CAMSAP2: variants seen among roughly 807,000 people sequenced by gnomAD.
CAMSAP2 encodes calmodulin regulated spectrin associated protein family member 2, also known as calmodulin-regulated spectrin-associated protein 2.
CAMSAP2 carries 26 observed loss-of-function variants against 146.1 expected under a neutral mutation model. The observed-to-expected ratio is 0.18, with a 90% CI of 0.13 to 0.25. The LOEUF (loss-of-function observed/expected upper bound fraction) is 0.25, where lower values mean the gene tolerates loss of function less well. CAMSAP2 is among the 10% of genes least tolerant of loss of function. The pLI, the probability that CAMSAP2 is intolerant of heterozygous loss-of-function variation, is 1.00. For missense variants in CAMSAP2, 1,381 were observed against 1,759.3 expected, an observed-to-expected ratio of 0.78 and a Z score of 3.85; for synonymous variants, 499 against 596.6, an observed-to-expected ratio of 0.84 and a Z score of 2.38.
In CAMSAP2 at chr1:200,849,290, A is replaced by G. The variant is rs1231127100; in HGVS notation, c.2521A>G (p.Met841Val). Residue 841 changes from methionine to valine, a missense_variant, in exon 11 of 17, where the codon ATG becomes GTG. By Grantham distance (21) the Met-to-Val change is conservative. Around this residue, in one of 4 missense-constraint regions of CAMSAP2, gnomAD observed 560 missense variants for 715.9 expected, o/e 0.78. Coordinates refer to ENST00000358823, the MANE Select transcript of CAMSAP2 (RefSeq NM_203459.4). The surrounding 1 kb of genome is among the most constrained non-coding windows in gnomAD (Gnocchi z 6.3). Reference protein sequence around the residue: ...SKSLADIKESMENPQAKWLKS... With the variant: ...SKSLADIKESVENPQAKWLKS... ...GTCACTGGCAGATATAAAAGAGAGCATGGAGAATCCTCAAGCCAAATGGCT... is the reference window on the plus strand; with the variant it reads ...GTCACTGGCAGATATAAAAGAGAGCGTGGAGAATCCTCAAGCCAAATGGCT... 5.6e-6 allele frequency: 9 copies of G among 1,614,050 alleles called. No homozygotes were observed. The highest frequency in any genetic ancestry group is 1.6e-4 in the Middle Eastern group (1 of 6,062).
intron 2 of CAMSAP2, among the ~76,000 whole-genome samples, chr1:200,800,986 C>G (rs1666020222): frequency 6.6e-6 from 1 of 152,002 alleles, no homozygotes; most frequent in African/African-American, 2.4e-5. Context: ...AAGGTTGAGG[C>G]CTGACGCAGT....
intron 7 of CAMSAP2, among the ~76,000 whole-genome samples, chr1:200,843,806 C>G (rs1051814329): frequency 1.3e-5 from 2 of 151,990 alleles, no homozygotes; most frequent in Non-Finnish European, 2.9e-5. Context: ...TCTATGAAAG[C>G]TTTCACAAAA....
At chr1:200,751,592 G>T (rs918330332) in intron 1 of CAMSAP2, among the ~76,000 whole-genome samples, 2 of 149,672 alleles carry the variant, frequency 1.3e-5, no homozygotes, top group Non-Finnish European at 3.0e-5. Flanking sequence ...TATGGTAAAG[G>T]CAGGGACCAG....
At chr1:200,809,219 C>T (rs867355788) in intron 3 of CAMSAP2, among the ~76,000 whole-genome samples, 5 of 152,316 alleles carry the variant, frequency 3.3e-5, no homozygotes, top group South Asian at 4.1e-4. Context: ...GAATTATCTT[C>T]CCTTTATACT....
intron 2 of CAMSAP2, among the ~76,000 whole-genome samples, chr1:200,796,686 T>A (rs1049340891): frequency 1.1e-4 from 17 of 148,718 alleles, no homozygotes; most frequent in African/African-American, 1.7e-4. Context: ...TTTTTTTTTT[T>A]ATACTTTAAG....
At chr1:200,789,398 T>C (rs1450827970) in intron 2 of CAMSAP2, among the ~76,000 whole-genome samples, 1 of 152,124 alleles carries the variant, frequency 6.6e-6, no homozygotes, top group Admixed American at 6.5e-5. Context: ...TTCATGTGGA[T>C]GTCTGGTTGT....
In CAMSAP2 at chr1:200,842,029, G is replaced by C. The variant is rs897879138; in HGVS notation, c.963G>C (p.Trp321Cys). 9.9e-6 allele frequency: 16 copies of C among 1,613,800 alleles called. No individual in the cohort carries two copies. Among genetic ancestry groups the C allele is most frequent in the African/African-American group, 1.3e-5 (1 of 74,898 alleles). The change falls in exon 7 of 17, where the codon TGG becomes TGC. Residue 321 changes from tryptophan (W) to cysteine (C), a missense_variant. Coordinates refer to ENST00000358823, the MANE Select transcript of CAMSAP2 (RefSeq NM_203459.4). ...NYLVFMAELF[W>C]WFEVVKPSFV... ...TGGTGTTCATGGCGGAACTGTTCTG[G>C]TGGTTTGAAGTGGTGAAGCCGTCTT...
Position 200,848,919 on chromosome 1 carries a change from C to T in CAMSAP2, c.2150C>T (p.Ser717Phe). The T allele has an allele frequency of 6.2e-7, 1 of 1,614,166 alleles. No individual in the cohort carries two copies. Among genetic ancestry groups the T allele is most frequent in the Non-Finnish European group, 8.5e-7 (1 of 1,180,012 alleles). The change falls in exon 11 of 17, where the codon TCT (serine) becomes TTT (phenylalanine). Residue 717 changes from serine to phenylalanine, a missense_variant. Coordinates refer to ENST00000358823, the MANE Select transcript of CAMSAP2 (RefSeq NM_203459.4). ...TCTCAAAAAACTACACCAGAAGGCT[C>T]TGAACTTAATATTCCTCATGTGGTT... is the stretch of plus-strand genomic sequence containing the variant. The part of the protein sequence containing the change: ...SSSQKTTPEG[S>F]ELNIPHVVAW...
At chr1:200,818,274 A>G (rs1244489187) in intron 4 of CAMSAP2, among the ~76,000 whole-genome samples, 1 of 152,170 alleles carries the variant, frequency 6.6e-6, no homozygotes, top group Non-Finnish European at 1.5e-5. Context: ...TGCCATTTGT[A>G]TTTCAAACAA....
chr1:200,831,598 G>A (rs2102215107), intron 4 of CAMSAP2, among the ~76,000 whole-genome samples: 1 of 150,418 alleles, frequency 6.6e-6, no homozygotes, highest in African/African-American at 2.4e-5. Flanking sequence ...CCGTATACTT[G>A]CTCAATTATT....
At chr1:200,828,561 C>T in intron 4 of CAMSAP2, 4 of 1,549,584 alleles carry the variant, frequency 2.6e-6, no homozygotes, top group Non-Finnish European at 3.5e-6. Context: ...TTTCCCGCTG[C>T]TTCCTCTGAA....
chr1:200,783,945 T>C (rs1665513087), intron 2 of CAMSAP2, among the ~76,000 whole-genome samples: 1 of 152,260 alleles, frequency 6.6e-6, no homozygotes, highest in East Asian at 1.9e-4. Flanking sequence ...TATGTTTTCT[T>C]CTCGAAGTTT....
chr1:200,849,022 G>C lies in CAMSAP2; in HGVS notation c.2253G>C (p.Val751=). Residue 751 remains valine (V), a synonymous_variant, in exon 11 of 17, where the codon GTG becomes GTC. Coordinates refer to ENST00000358823, the MANE Select transcript of CAMSAP2 (RefSeq NM_203459.4). The surrounding 1 kb of genome is among the most constrained non-coding windows in gnomAD (Gnocchi z 6.3). ...DTTQLLASEM[V]HLRMKLEEKR... ...CCCAGCTGTTGGCCTCTGAAATGGT[G>C]CATCTTAGGATGAAACTAGAAGAAA... is the stretch of plus-strand genomic sequence containing the variant. 1 of 1,614,094 alleles carries C rather than the reference G, an allele frequency of 6.2e-7. No individual in the cohort carries two copies. Among genetic ancestry groups the C allele is most frequent in the South Asian group, 1.1e-5 (1 of 91,084 alleles).
At chr1:200,793,810 A>G (rs1056655105) in intron 2 of CAMSAP2, among the ~76,000 whole-genome samples, 1 of 152,108 alleles carries the variant, frequency 6.6e-6, no homozygotes, top group African/African-American at 2.4e-5. Context: ...AATTAGCACT[A>G]CATTAAGGTT....
chr1:200,848,517 A>T lies in CAMSAP2; in HGVS notation c.1748A>T (p.Lys583Met). 3 of 1,613,958 alleles carry T rather than the reference A, an allele frequency of 1.9e-6. No homozygotes were observed. The highest frequency in any genetic ancestry group is 2.5e-6 in the Non-Finnish European group (3 of 1,179,960). The change falls in exon 11 of 17, where the codon AAG (lysine) becomes ATG (methionine). Residue 583 changes from lysine (K) to methionine (M), a missense_variant. Coordinates refer to ENST00000358823, the MANE Select transcript of CAMSAP2 (RefSeq NM_203459.4). ...QEMSILNSNI[K>M]LNQSSPDNVT... ...ATGAGTATCTTAAATTCAAATATCA[A>T]GTTAAATCAATCTAGTCCTGATAAT... is the stretch of plus-strand genomic sequence containing the variant.
chr1:200,739,756 C>T lies in CAMSAP2; in HGVS notation c.-72C>T. 3 of 1,511,980 alleles carry T rather than the reference C, an allele frequency of 2.0e-6. No homozygotes were observed. The highest frequency in any genetic ancestry group is 1.8e-6 in the Non-Finnish European group (2 of 1,114,758). 93.7% of individuals were successfully genotyped at this position (1,511,980 alleles called of 1,614,324 possible). On this transcript the variant is annotated 5_prime_UTR_variant, in exon 1 of 17. Transcript: ENST00000358823. The surrounding 1 kb of genome is among the most constrained non-coding windows in gnomAD (Gnocchi z 4.8). The stretch of plus-strand genomic sequence containing the variant: ...TTTGAGCTTGCTTCTCCCTCCCTCC[C>T]GACCCCCGTGGTGGCGAGGCCACGC...
Position 200,817,189 on chromosome 1 carries a change from C to CACACACAT in CAMSAP2, c.645+1546_645+1547insCACACATA, listed in dbSNP as rs1437563207. 9.4e-3 allele frequency among the ~76,000 whole-genome samples: 1,046 copies of CACACACAT among 111,746 alleles called. 24 individuals are homozygous for CACACACAT. The highest frequency in any genetic ancestry group is 0.015 in the Non-Finnish European group (752 of 51,214). The allele number at this position is 111,746 out of a possible 152,430, so 73.3% of individuals were successfully genotyped here. On this transcript the variant is annotated intron_variant, in intron 4 of 16. Transcript: ENST00000358823. Reference sequence around the variant, plus strand: ...ACGTGTGTGTATATACACACACACACATGTGTGTGTGTATACACACATACA... The same window carrying CACACACAT: ...ACGTGTGTGTATATACACACACACACACACACATATGTGTGTGTGTATACACACATACA...
At chr1:200,762,190 C>A (rs1664821149) in intron 2 of CAMSAP2, among the ~76,000 whole-genome samples, 1 of 151,854 alleles carries the variant, frequency 6.6e-6, no homozygotes, top group Admixed American at 6.6e-5. Flanking sequence ...GAGGTGATGA[C>A]CTGTTTTGTT....
At chr1:200,743,981 A>T (rs1664249987) in intron 1 of CAMSAP2, among the ~76,000 whole-genome samples, 1 of 147,786 alleles carries the variant, frequency 6.8e-6, no homozygotes, top group African/African-American at 2.5e-5. Context: ...TAAATAAATA[A>T]AGCTGCTAAT....
Sources: gnomAD v4.1 joint callset for allele counts (sites outside exome capture counted in the v4.1 genomes callset) on GRCh38, gnomAD v4.1.1 for gene constraint, gnomAD v4.1.1 regional missense constraint, Gnocchi (gnomAD v3.1) non-coding constraint, MANE v1.5 for transcripts, NCBI Gene and HGNC (gene_info 2026-07-23, HGNC 2026-07-21) for gene names.